Variants in GFRA1 observed in about 807,000 individuals in gnomAD.
The protein encoded by GFRA1 is GDNF family receptor alpha-1.
GFRA1 carries 16 observed loss-of-function variants against 51.6 expected under a neutral mutation model. The observed-to-expected ratio is 0.31, with a 90% CI of 0.21 to 0.47. The LOEUF (loss-of-function observed/expected upper bound fraction) is 0.47. Ranked by LOEUF, GFRA1 falls within the 20% of genes least tolerant of loss-of-function variation. GFRA1 has a pLI of 1.00. For missense variants in GFRA1, 530 were observed against 594.3 expected (o/e 0.89, Z 1.13); for synonymous variants, 270 against 241.3 (o/e 1.12, Z -1.10).
At chr10:116,073,002 G>A in intron 9 of GFRA1, among the ~76,000 whole-genome samples, 1 of 152,160 alleles carries the variant, frequency 6.6e-6, no homozygotes, top group East Asian at 1.9e-4. Context: ...AGTGGGAAAT[G>A]CAAAACCTCA....
chr10:116,159,425 G>GT (rs1959510387), intron 5 of GFRA1, among the ~76,000 whole-genome samples: 1 of 152,158 alleles, frequency 6.6e-6, no homozygotes, highest in Non-Finnish European at 1.5e-5. Flanking sequence ...CCATGTAGTG[G>GT]ATCCTCGTGC....
chr10:116,124,569 A>T (rs188597820), intron 6 of GFRA1, among the ~76,000 whole-genome samples: 49 of 152,222 alleles, frequency 3.2e-4, no homozygotes, highest in African/African-American at 1.1e-3. Flanking sequence ...GTATTCATGG[A>T]CTCCTTCAGA....
intron 5 of GFRA1, among the ~76,000 whole-genome samples, chr10:116,196,860 C>A (rs1963925869): frequency 8.1e-6 from 1 of 123,632 alleles, no homozygotes; most frequent in Non-Finnish European, 1.7e-5. Context: ...TTTTTTCCCT[C>A]CCACAGTTCT....
At chr10:116,109,699 C>T (rs939425146) in intron 6 of GFRA1, among the ~76,000 whole-genome samples, 5 of 152,268 alleles carry the variant, frequency 3.3e-5, no homozygotes, top group Non-Finnish European at 5.9e-5. Context: ...CTTCCTTCAC[C>T]GCAGGGACCA....
At chr10:116,224,058 C>A (rs1372610076) in intron 4 of GFRA1, among the ~76,000 whole-genome samples, 1 of 152,188 alleles carries the variant, frequency 6.6e-6, no homozygotes, top group East Asian at 1.9e-4. Context: ...AACCTGCTGG[C>A]TCCTCAATCT....
chr10:116,153,944 C>T (rs957377669), intron 5 of GFRA1, among the ~76,000 whole-genome samples: 2 of 152,122 alleles, frequency 1.3e-5, no homozygotes, highest in African/African-American at 4.8e-5. Flanking sequence ...AGCACTCAAA[C>T]ATGCATTTCA....
At chr10:116,121,471 C>CA (rs1281999448) in intron 6 of GFRA1, among the ~76,000 whole-genome samples, 1 of 152,172 alleles carries the variant, frequency 6.6e-6, no homozygotes, top group Non-Finnish European at 1.5e-5. Context: ...AAAAGGAAAA[C>CA]AAAGTCAAAC....
At chr10:116,072,526 C>T (rs1413169402) in intron 9 of GFRA1, among the ~76,000 whole-genome samples, 1 of 152,094 alleles carries the variant, frequency 6.6e-6, no homozygotes, top group African/African-American at 2.4e-5. Context: ...CTTTGGAAGG[C>T]CAAGGTGGGT....
chr10:116,093,891 C>T, intron 7 of GFRA1, 55 bp from the exon 8 acceptor site: 2 of 1,573,446 alleles, frequency 1.3e-6, no homozygotes, highest in Non-Finnish European at 1.7e-6. Context: ...TTTTCCATGG[C>T]CTAAAAAGAA....
intron 4 of GFRA1, among the ~76,000 whole-genome samples, chr10:116,241,950 C>T (rs1021129363): frequency 6.6e-6 from 1 of 151,954 alleles, no homozygotes; most frequent in African/African-American, 2.4e-5. Flanking sequence ...TGGTCATTTC[C>T]AAAAGGCAGC....
At chr10:116,069,215 A>G (rs1244442841) in intron 9 of GFRA1, among the ~76,000 whole-genome samples, 1 of 152,194 alleles carries the variant, frequency 6.6e-6, no homozygotes, top group Non-Finnish European at 1.5e-5. Flanking sequence ...GATGCGTTTT[A>G]TTTTTTGAAA....
At chr10:116,065,900 A>G (rs1955087354) in intron 9 of GFRA1, among the ~76,000 whole-genome samples, 2 of 152,162 alleles carry the variant, frequency 1.3e-5, no homozygotes, top group Admixed American at 1.3e-4. Flanking sequence ...TATCCATACT[A>G]AGTGTTCAAA....
At chr10:116,153,551 T>C (rs1428219621) in intron 5 of GFRA1, among the ~76,000 whole-genome samples, 1 of 152,234 alleles carries the variant, frequency 6.6e-6, no homozygotes, top group Admixed American at 6.5e-5. Context: ...TAAAACATTA[T>C]TTTTTGGCTA....
intron 4 of GFRA1, 125 bp from the exon 5 acceptor site, chr10:116,211,770 C>A: frequency 1.3e-6 from 1 of 764,646 alleles, no homozygotes; most frequent in Non-Finnish European, 2.2e-6. Flanking sequence ...GCACTCTATG[C>A]ATATTTCCTT....
intron 6 of GFRA1, among the ~76,000 whole-genome samples, chr10:116,110,240 G>C (rs990939864): frequency 2.6e-5 from 4 of 152,264 alleles, no homozygotes; most frequent in Admixed American, 6.5e-5. Flanking sequence ...TGCTGCCCAT[G>C]ATGACAAGGG....
chr10:116,170,035 A>C (rs1960876447), intron 5 of GFRA1, among the ~76,000 whole-genome samples: 1 of 151,956 alleles, frequency 6.6e-6, no homozygotes, highest in African/African-American at 2.4e-5. Flanking sequence ...TGCACCACCC[A>C]CCATAAGGGG....
intron 5 of GFRA1, among the ~76,000 whole-genome samples, chr10:116,177,757 A>G (rs1961773553): frequency 6.6e-6 from 1 of 152,142 alleles, no homozygotes; most frequent in Non-Finnish European, 1.5e-5. Context: ...ATAATCAACA[A>G]CTTGCCCACT....
At chr10:116,258,416 TA>T (rs1322381726) in intron 4 of GFRA1, among the ~76,000 whole-genome samples, 2 of 146,982 alleles carry the variant, frequency 1.4e-5, no homozygotes, top group Non-Finnish European at 3.0e-5. Flanking sequence ...ATTATATTAA[TA>T]AAATAAATAT....
In GFRA1 at chr10:116,061,918, G is replaced by T. The variant is rs1439062339; in HGVS notation, c.*2480C>A. On this transcript the variant is annotated 3_prime_UTR_variant, in exon 11 of 11. Coordinates refer to ENST00000355422, the MANE Select transcript of GFRA1 (RefSeq NM_005264.8). Reference sequence around the variant, plus strand: ...TTGCTTTGATAAGAATCTCTCTAACGTGTTGTCCCTGAACAAGATGCTTCC... The same window carrying T: ...TTGCTTTGATAAGAATCTCTCTAACTTGTTGTCCCTGAACAAGATGCTTCC... 5.0e-6 allele frequency: 2 copies of T among 398,156 alleles called. No homozygotes were observed. Among genetic ancestry groups the T allele is most frequent in the Non-Finnish European group, 8.9e-6 (2 of 225,932 alleles). The allele number at this position is 398,156 out of a possible 1,614,324, so 24.7% of individuals were successfully genotyped here.
Sources: allele counts gnomAD v4.1 joint callset (sites outside exome capture counted in the v4.1 genomes callset), GRCh38; gene constraint gnomAD v4.1.1; transcripts MANE v1.5; gene names NCBI Gene and HGNC (gene_info 2026-07-23, HGNC 2026-07-21).